The following UBR3 variants were observed in gnomAD, a reference collection of about 807,000 sequenced individuals.
UBR3 encodes the protein ubiquitin protein ligase E3 component n-recognin 3.
In UBR3, 85 loss-of-function variants were observed where a neutral mutation model predicts 243.2. The observed-to-expected ratio is 0.35, with a 90% confidence interval of 0.29 to 0.42. UBR3 has a LOEUF of 0.42. Among genes scored for constraint, UBR3 ranks in the 10% least tolerant of loss-of-function variants. The pLI is 1.00. For synonymous variants in UBR3, 748 were observed against 799.8 expected, an observed-to-expected ratio of 0.94 and a Z score of 1.09; for missense variants, 1,686 against 2,300.8, an observed-to-expected ratio of 0.73 and a Z score of 5.47.
At chr2:169,841,005 C>G (rs2082270108) in intron 1 of UBR3, among the ~76,000 whole-genome samples, 1 of 152,176 alleles carries the variant, frequency 6.6e-6, no homozygotes, top group East Asian at 1.9e-4. Flanking sequence ...CCCTAGCATT[C>G]TGGACCTGTG....
intron 8 of UBR3, among the ~76,000 whole-genome samples, chr2:169,898,675 T>C (rs1459667561): frequency 2.6e-5 from 4 of 151,764 alleles, no homozygotes; most frequent in African/African-American, 9.7e-5. Context: ...TCACCTTTTT[T>C]TTTTTTTTTT....
At chr2:169,962,054 T>G (rs1283767965) in intron 24 of UBR3, among the ~76,000 whole-genome samples, 1 of 151,984 alleles carries the variant, frequency 6.6e-6, no homozygotes, top group Admixed American at 6.6e-5. Flanking sequence ...GCTTCTGTCT[T>G]TGTTACTTTT....
At position 170,023,384 on chromosome 2, in the gene UBR3, G is replaced by A. The variant is rs188532423; in HGVS notation, c.4454-5962G>A. Among the ~76,000 whole-genome samples the A allele has an allele frequency of 3.2e-3, 483 of 150,918 alleles. 1 individual carries two copies. The highest frequency in any genetic ancestry group is 0.011 in the African/African-American group (455 of 41,026). ...TTTAGGTGCATTTTAACAGTGGTAC[G>A]ATTTAAGATAGAACCAATTTATGAA... On this transcript the variant is annotated intron_variant, in intron 30 of 38. Transcript: ENST00000272793.
chr2:169,872,233 C>T lies in UBR3; in HGVS notation c.546-3C>T. On this transcript the variant is annotated splice_polypyrimidine_tract_variant and splice_region_variant and intron_variant, in intron 1 of 38. Transcript: ENST00000272793. ...GTTAATTTTTTTCTTTTTCATATTA[C>T]AGGTTTTGCAAAAGGCATCAAATTA... is the stretch of plus-strand genomic sequence containing the variant. The T allele has an allele frequency of 1.3e-6, 2 of 1,505,412 alleles. No individual in the cohort carries two copies. Among genetic ancestry groups the T allele is most frequent in the East Asian group, 2.5e-5 (1 of 39,774 alleles). 93.3% of individuals were successfully genotyped at this position (1,505,412 alleles called of 1,614,324 possible). A position where few individuals can be genotyped will look rare whatever the true frequency, so the allele number is the denominator to read the frequency against.
In UBR3 at chr2:169,827,797, T is replaced by A; in HGVS notation, c.290T>A (p.Leu97His). ...GAGGCCCTGGAGTGGTGTAAGTGCCTTCTGGCGGGCGGCGGCGGCTACGAC... is the reference window on the plus strand; with the variant it reads ...GAGGCCCTGGAGTGGTGTAAGTGCCATCTGGCGGGCGGCGGCGGCTACGAC... ...EEEALEWCKC[L>H]LAGGGGYDEF... Residue 97 changes from leucine (L) to histidine (H), a missense_variant, in exon 1 of 39, where the codon CTT (leucine) becomes CAT (histidine). This residue lies in a region of UBR3 where 145 missense variants were observed against 243.8 expected (regional missense o/e 0.59). Transcript: ENST00000272793. The A allele has an allele frequency of 6.7e-7, 1 of 1,494,814 alleles. No homozygotes were observed. 92.6% of individuals were successfully genotyped at this position (1,494,814 alleles called of 1,614,324 possible).
chr2:169,957,924 G>A (rs984996025), intron 23 of UBR3, among the ~76,000 whole-genome samples: 2 of 152,056 alleles, frequency 1.3e-5, no homozygotes, highest in African/African-American at 4.8e-5. Context: ...TAGTAGAAAC[G>A]GGGAAACTTA....
intron 1 of UBR3, among the ~76,000 whole-genome samples, chr2:169,835,039 T>C (rs1558997111): frequency 6.6e-6 from 1 of 152,192 alleles, no homozygotes; most frequent in African/African-American, 2.4e-5. Flanking sequence ...GGAGTTATTT[T>C]TTTAACAGGT....
chr2:169,926,915 T>C lies in UBR3; in HGVS notation c.2282T>C (p.Met761Thr). Residue 761 changes from methionine (M) to threonine (T), a missense_variant, in exon 16 of 39, where the codon ATG becomes ACG. Met to Thr is a moderately conservative substitution (Grantham distance 81). Transcript: ENST00000272793. Reference sequence around the variant, plus strand: ...CTTGATGCAGAGCATGAGAGGTCGATGTTAGAAGGCGCTCTTACATTTCTT... The same window carrying C: ...CTTGATGCAGAGCATGAGAGGTCGACGTTAGAAGGCGCTCTTACATTTCTT... ...TVLDAEHERS[M>T]LEGALTFLVI... 6.4e-7 allele frequency: 1 copy of C among 1,551,334 alleles called. No individual in the cohort carries two copies. The highest frequency in any genetic ancestry group is 8.7e-7 in the Non-Finnish European group (1 of 1,146,680).
chr2:169,944,330 A>G (rs1281276062), intron 20 of UBR3, among the ~76,000 whole-genome samples: 1 of 152,188 alleles, frequency 6.6e-6, no homozygotes, highest in Non-Finnish European at 1.5e-5. Flanking sequence ...AAGTACTGTT[A>G]TAAGTAATAA....
chr2:169,951,516 T>A (rs1030702972), intron 23 of UBR3, among the ~76,000 whole-genome samples: 10 of 152,266 alleles, frequency 6.6e-5, no homozygotes, highest in African/African-American at 1.7e-4. Flanking sequence ...GTTAGTAGTG[T>A]TAACATAGTG....
chr2:169,928,691 T>C (rs1186290887), intron 17 of UBR3, 36 bp from the exon 18 acceptor site: 2 of 1,424,710 alleles, frequency 1.4e-6, no homozygotes, highest in African/African-American at 2.8e-5. Flanking sequence ...ATCTGGCTTT[T>C]TGTTACTAAT....
At chr2:169,904,273 G>A (rs1053943462) in intron 8 of UBR3, among the ~76,000 whole-genome samples, 2 of 152,102 alleles carry the variant, frequency 1.3e-5, no homozygotes, top group African/African-American at 4.8e-5. Flanking sequence ...AGAACAATTA[G>A]CATGAATAGA....
At chr2:169,967,282 G>T (rs1469672938) in intron 24 of UBR3, among the ~76,000 whole-genome samples, 1 of 70,984 alleles carries the variant, frequency 1.4e-5, no homozygotes, top group Non-Finnish European at 2.6e-5. Flanking sequence ...CCCACACACA[G>T]TTGGTAGCCT....
intron 25 of UBR3, among the ~76,000 whole-genome samples, chr2:169,989,430 T>C (rs912469498): frequency 6.6e-6 from 1 of 152,182 alleles, no homozygotes; most frequent in African/African-American, 2.4e-5. Context: ...TGAAAACCAA[T>C]TTGGATTTTT....
chr2:169,856,818 C>T (rs1409175824), intron 1 of UBR3, among the ~76,000 whole-genome samples: 2 of 117,338 alleles, frequency 1.7e-5, no homozygotes, highest in Non-Finnish European at 3.3e-5. Context: ...AGAGGGAGAC[C>T]GTGCAAAGGG....
chr2:170,020,295 A>C (rs1053162619), intron 30 of UBR3, among the ~76,000 whole-genome samples: 2 of 152,200 alleles, frequency 1.3e-5, no homozygotes, highest in African/African-American at 4.8e-5. Flanking sequence ...TTAATACAAA[A>C]ATGTGTAAAT....
intron 24 of UBR3, among the ~76,000 whole-genome samples, chr2:169,983,470 A>G (rs572833369): frequency 7.2e-5 from 11 of 152,152 alleles, no homozygotes; most frequent in African/African-American, 2.2e-4. Context: ...CATGTTGTCC[A>G]GGCTGGTCTT....
chr2:169,983,303 C>T lies in UBR3; in HGVS notation c.3635-3342C>T, dbSNP rs1258348133. 5.0e-5 allele frequency among the ~76,000 whole-genome samples: 7 copies of T among 139,422 alleles called. No homozygotes were observed. The South Asian group carries it at 1.3e-3, about 27-fold the overall frequency. The allele number at this position is 139,422 out of a possible 152,430, so 91.5% of individuals were successfully genotyped here. ...ATGGAGTCTCACTCATTCTGTCACC[C>T]AGGCTGTAGTATGGTGGTGTGATCT... is the stretch of plus-strand genomic sequence containing the variant. On this transcript the variant is annotated intron_variant, in intron 24 of 38. Coordinates refer to ENST00000272793, the MANE Select transcript of UBR3 (RefSeq NM_172070.4).
chr2:170,008,202 T>C (rs995663267), intron 28 of UBR3, among the ~76,000 whole-genome samples: 5 of 152,178 alleles, frequency 3.3e-5, no homozygotes, highest in South Asian at 2.1e-4. Flanking sequence ...ACCTTCATTA[T>C]AGATTTGTGA....
Sources: gnomAD v4.1 joint callset for allele counts (sites outside exome capture counted in the v4.1 genomes callset) on GRCh38, gnomAD v4.1.1 for gene constraint, gnomAD v4.1.1 regional missense constraint, MANE v1.5 for transcripts, NCBI Gene and HGNC (gene_info 2026-07-23, HGNC 2026-07-21) for gene names.